Variants in MMRN2 observed in about 807,000 individuals in gnomAD.
MMRN2 encodes the protein multimerin 2.
MMRN2 carries 53 observed loss-of-function variants against 68.8 expected under a neutral mutation model. That is an observed-to-expected ratio of 0.77 (90% CI 0.62 to 0.97). MMRN2 has a LOEUF of 0.97. Ranked by LOEUF, MMRN2 falls within the 50% of genes least tolerant of loss-of-function variation. The pLI is 0.00. For synonymous variants in MMRN2, 564 were observed against 551.6 expected, an observed-to-expected ratio of 1.02 and a Z score of -0.32; for missense variants, 1,266 against 1,259.5, an observed-to-expected ratio of 1.01 and a Z score of -0.08.
At chr10:86,945,833 T>A (rs1844060326) in intron 1 of MMRN2, 144 bp from the exon 2 acceptor site, 1 of 1,481,520 alleles carries the variant, frequency 6.7e-7, no homozygotes, top group Non-Finnish European at 9.0e-7. Context: ...GCCTTCCGCA[T>A]TATTCATCCC....
intron 6 of MMRN2, among the ~76,000 whole-genome samples, chr10:86,937,524 T>C (rs1372056036): frequency 1.3e-5 from 2 of 151,160 alleles, no homozygotes; most frequent in African/African-American, 2.4e-5. Flanking sequence ...TGGGCTCAAG[T>C]GATCCTCCAG....
At position 86,936,883 on chromosome 10, in the gene MMRN2, T is replaced by C. The variant is rs1228766975; in HGVS notation, c.2710A>G (p.Ser904Gly). 6.2e-7 allele frequency: 1 copy of C among 1,614,128 alleles called. No individual in the cohort carries two copies. The highest frequency in any genetic ancestry group is 1.1e-5 in the South Asian group (1 of 91,068). ...GCAAAGACCGTTGCTGTGCTTCCAC[T>C]CCCCTGCCCAGTGGTACAGACTGGA... ...RTPVCTTGQGSGSTATVFAMA... is the reference protein window; with the variant it reads ...RTPVCTTGQGGGSTATVFAMA... Residue 904 changes from serine to glycine, a missense_variant, in exon 7 of 7, where the codon AGT becomes GGT. Transcript: ENST00000372027.
At chr10:86,939,509 A>G (rs985266807) in intron 6 of MMRN2, among the ~76,000 whole-genome samples, 16 of 146,056 alleles carry the variant, frequency 1.1e-4, no homozygotes, top group African/African-American at 3.3e-4. Context: ...TGCCCAAGTC[A>G]GAGGCCGGCG....
chr10:86,942,206 C>T (rs1181749858), intron 6 of MMRN2, 111 bp downstream of exon 6: 8 of 1,307,962 alleles, frequency 6.1e-6, no homozygotes, highest in Middle Eastern at 2.3e-4. Flanking sequence ...GTAGGGGTGA[C>T]GGATGGCCAT....
intron 6 of MMRN2, among the ~76,000 whole-genome samples, chr10:86,939,839 T>TGTTTG (rs1843941786): frequency 8.3e-6 from 1 of 120,290 alleles, no homozygotes; most frequent in African/African-American, 2.9e-5. Context: ...GTGTGTGTGT[T>TGTTTG]TGTGTGTGTG....
intron 6 of MMRN2, among the ~76,000 whole-genome samples, chr10:86,940,235 C>A (rs1399498003): frequency 2.0e-5 from 3 of 152,134 alleles, no homozygotes; most frequent in African/African-American, 7.2e-5. Context: ...GTCTTGAACT[C>A]CTGACCTCAA....
rs775790019 is a variant in MMRN2, at chr10:86,942,614, C to T, written c.2170G>A (p.Ala724Thr). The stretch of plus-strand genomic sequence containing the variant: ...CCGTGAAGGGAGGCGTTGAGGGAGG[C>T]GGCCCCGGCCCCGGCCTCGGCCTCG... ...CCEAEAGAGA[A>T]SLNASLHGLH... The change falls in exon 6 of 7, where the codon GCC becomes ACC. Residue 724 changes from alanine (A) to threonine (T), a missense_variant. Ala to Thr is a moderately conservative substitution (Grantham distance 58). Coordinates refer to ENST00000372027, the MANE Select transcript of MMRN2 (RefSeq NM_024756.3). 2.5e-6 allele frequency: 4 copies of T among 1,603,286 alleles called. No homozygotes were observed. The South Asian group carries it at 4.4e-5, about 18-fold the overall frequency.
rs771574683 is a variant in MMRN2 at position 86,943,886 on chromosome 10, TCTC to T, written c.895_897del (p.Glu299del). On this transcript the variant is annotated inframe_deletion, in exon 6 of 7. Transcript: ENST00000372027. The surrounding 1 kb of genome is among the most constrained non-coding windows in gnomAD (Gnocchi z 4.2). ...CGCAGCTGACCCACTCTCTGAGTGTTCTCCTGGACCTTGGCCTCAAATTTGGCA... is the reference window on the plus strand; with the variant it reads ...CGCAGCTGACCCACTCTCTGAGTGTTCTGGACCTTGGCCTCAAATTTGGCA... 2 of 1,613,982 alleles carry T rather than the reference TCTC, an allele frequency of 1.2e-6. No homozygotes were observed. The highest frequency in any genetic ancestry group is 2.2e-5 in the South Asian group (2 of 91,080).
At position 86,943,483 on chromosome 10, in the gene MMRN2, T is replaced by G. The variant is rs201945179; in HGVS notation, c.1301A>C (p.Glu434Ala). 6 of 1,613,892 alleles carry G rather than the reference T, an allele frequency of 3.7e-6. No homozygotes were observed. The highest frequency in any genetic ancestry group is 1.3e-5 in the African/African-American group (1 of 74,918). Reference protein sequence around the residue: ...DQISKVERQVEELQVNHTALR... With the variant: ...DQISKVERQVAELQVNHTALR... ...CGCCGTGTGGTTCACCTGCAGCTCC[T>G]CCACCTGCCGCTCCACCTTGCTAAT... The change falls in exon 6 of 7, where the codon GAG (glutamate) becomes GCG (alanine). Residue 434 changes from glutamate (E) to alanine (A), a missense_variant. Coordinates refer to ENST00000372027, the MANE Select transcript of MMRN2 (RefSeq NM_024756.3). This position sits in a 1 kb window ranked among gnomAD's most constrained non-coding sequence, Gnocchi z 4.2.
intron 6 of MMRN2, among the ~76,000 whole-genome samples, chr10:86,941,818 AAAG>A (rs1843972485): frequency 7.6e-6 from 1 of 132,162 alleles, no homozygotes; most frequent in African/African-American, 2.8e-5. Flanking sequence ...AAAAAAAAGA[AAAG>A]AAAAAGAAAA....
chr10:86,938,483 A>C (rs1040195856), intron 6 of MMRN2, among the ~76,000 whole-genome samples: 2 of 152,200 alleles, frequency 1.3e-5, no homozygotes, highest in African/African-American at 4.8e-5. Flanking sequence ...AACAGCCAGG[A>C]AGAAGCCAGT....
intron 4 of MMRN2, among the ~76,000 whole-genome samples, 181 bp downstream of exon 4, chr10:86,945,007 G>A (rs1252662250): frequency 6.6e-6 from 1 of 152,224 alleles, no homozygotes; most frequent in African/African-American, 2.4e-5. Context: ...CCAGTAGGCC[G>A]CTGGGGGCCC....
Position 86,957,194 on chromosome 10 carries a change from T to C in MMRN2, c.164+184A>G, listed in dbSNP as rs1844249068. Among the ~76,000 whole-genome samples, 3 of 152,250 alleles carry C rather than the reference T, an allele frequency of 2.0e-5. No homozygotes were observed. In the South Asian group the frequency reaches 6.2e-4, roughly 32 times the overall value. ...GCTCCGACAGGGAACTCCCTGCAATTCTTAGGTGGATCCTGAAACACCCAG... is the reference window on the plus strand; with the variant it reads ...GCTCCGACAGGGAACTCCCTGCAATCCTTAGGTGGATCCTGAAACACCCAG... On this transcript the variant is annotated intron_variant, in intron 1 of 6. Transcript: ENST00000372027.
Position 86,942,992 on chromosome 10 carries a change from C to T in MMRN2, c.1792G>A (p.Ala598Thr). 1 of 1,456,996 alleles carries T rather than the reference C, an allele frequency of 6.9e-7. No individual in the cohort carries two copies. The highest frequency in any genetic ancestry group is 9.1e-7 in the Non-Finnish European group (1 of 1,104,342). 90.3% of individuals were successfully genotyped at this position (1,456,996 alleles called of 1,614,324 possible). A position where few individuals can be genotyped will look rare whatever the true frequency, so the allele number is the denominator to read the frequency against. Residue 598 changes from alanine to threonine, a missense_variant, in exon 6 of 7, where the codon GCC becomes ACC. Coordinates refer to ENST00000372027, the MANE Select transcript of MMRN2 (RefSeq NM_024756.3). The stretch of plus-strand genomic sequence containing the variant: ...TGCCGCAGCGCGTCCTCCAGCAGGG[C>T]GGCGAAGGCGCTGTGCAGCTGGCGC... Reference protein sequence around the residue: ...EVRQLHSAFAALLEDALRHEA... With the variant: ...EVRQLHSAFATLLEDALRHEA...
rs1176611438 is a variant in MMRN2, at chr10:86,945,556, C to T, written c.293+5G>A. ...TGGGCAAATGGCCCACCCTCCCCTA[C>T]TCACATGACTTTGACTTTCTGGCAG... On this transcript the variant is annotated splice_donor_5th_base_variant and intron_variant, in intron 2 of 6. Transcript: ENST00000372027. 1.3e-6 allele frequency: 2 copies of T among 1,587,514 alleles called. No homozygotes were observed. Among genetic ancestry groups the T allele is most frequent in the East Asian group, 2.3e-5 (1 of 44,030 alleles).
chr10:86,944,137 GAC>G lies in MMRN2; in HGVS notation c.656-11_656-10del. The stretch of plus-strand genomic sequence containing the variant: ...GGATCTATCAGGGAACTCTGCAACA[GAC>G]ATGTGGTGTGACACAAGCCCTGCAG... On this transcript the variant is annotated splice_polypyrimidine_tract_variant and intron_variant, in intron 5 of 6. Coordinates refer to ENST00000372027, the MANE Select transcript of MMRN2 (RefSeq NM_024756.3). 1 of 1,610,606 alleles carries G rather than the reference GAC, an allele frequency of 6.2e-7. No individual in the cohort carries two copies. Among genetic ancestry groups the G allele is most frequent in the Non-Finnish European group, 8.5e-7 (1 of 1,177,644 alleles).
rs762481317 is a variant in MMRN2, at chr10:86,945,362, A to C, written c.400+8T>G. On this transcript the variant is annotated splice_region_variant and intron_variant, in intron 3 of 6. Coordinates refer to ENST00000372027, the MANE Select transcript of MMRN2 (RefSeq NM_024756.3). ...TCAAGGGGGGAAGGGGGCCGCAGGGAGCCCTACCGTGGTGCTCGCAGTTGG... is the reference window on the plus strand; with the variant it reads ...TCAAGGGGGGAAGGGGGCCGCAGGGCGCCCTACCGTGGTGCTCGCAGTTGG... 12 of 1,598,750 alleles carry C rather than the reference A, an allele frequency of 7.5e-6. No homozygotes were observed. The highest frequency in any genetic ancestry group is 1.0e-5 in the Non-Finnish European group (12 of 1,172,342).
rs751861861 is a variant in MMRN2 at position 86,936,694 on chromosome 10, G to A, written c.*49C>T. 33 of 1,592,400 alleles carry A rather than the reference G, an allele frequency of 2.1e-5. No individual in the cohort carries two copies. The highest frequency in any genetic ancestry group is 1.9e-4 in the South Asian group (17 of 88,194). On this transcript the variant is annotated 3_prime_UTR_variant, in exon 7 of 7. Coordinates refer to ENST00000372027, the MANE Select transcript of MMRN2 (RefSeq NM_024756.3). Reference sequence around the variant, plus strand: ...CCATCCTTGGCCAGAGCCCCAGGCCGAGGAGAGCTGGGCGAGTCCATGATG... The same window carrying A: ...CCATCCTTGGCCAGAGCCCCAGGCCAAGGAGAGCTGGGCGAGTCCATGATG...
At chr10:86,956,701 G>A (rs939917992) in intron 1 of MMRN2, among the ~76,000 whole-genome samples, 5 of 152,216 alleles carry the variant, frequency 3.3e-5, no homozygotes, top group Non-Finnish European at 7.3e-5. Context: ...GTGGCAAGGT[G>A]CCTGGCCCTG....
Sources: allele counts gnomAD v4.1 joint callset (sites outside exome capture counted in the v4.1 genomes callset), GRCh38; gene constraint gnomAD v4.1.1; non-coding constraint Gnocchi (gnomAD v3.1); transcripts MANE v1.5; gene names NCBI Gene and HGNC (gene_info 2026-07-23, HGNC 2026-07-21).